The following PALM2AKAP2 variants were observed in gnomAD, a reference collection of about 807,000 sequenced individuals.
PALM2AKAP2 encodes PALM2-AKAP2 fusion protein.
PALM2AKAP2 carries 37 observed loss-of-function variants against 71.5 expected under a neutral mutation model. The ratio of observed to expected loss-of-function variants is 0.52; its 90% CI spans 0.40 to 0.68. PALM2AKAP2 has a LOEUF of 0.68. Among genes scored for constraint, PALM2AKAP2 ranks in the 30% least tolerant of loss-of-function variants. PALM2AKAP2 has a pLI of 0.00. For synonymous variants in PALM2AKAP2, 468 were observed against 478.8 expected, an observed-to-expected ratio of 0.98 and a Z score of 0.29; for missense variants, 1,224 against 1,191.8, an observed-to-expected ratio of 1.03 and a Z score of -0.40.
exon 2 of PALM2AKAP2, chr9:110,136,292 A>T: frequency 6.2e-7 from 1 of 1,613,996 alleles, no homozygotes; most frequent in Non-Finnish European, 8.5e-7. Context: ...AATCACCTCT[A>T]CCCCACATCC....
chr9:109,849,577 G>A (rs577168295), intron 1 of PALM2AKAP2, among the ~76,000 whole-genome samples: 3 of 152,120 alleles, frequency 2.0e-5, no homozygotes, highest in South Asian at 2.1e-4. Context: ...GTGAAACTCC[G>A]TCTCTACTAA....
At chr9:109,949,351 G>A (rs937974993) in intron 6 of PALM2AKAP2, among the ~76,000 whole-genome samples, 5 of 152,150 alleles carry the variant, frequency 3.3e-5, no homozygotes, top group Non-Finnish European at 2.9e-5. Context: ...AAGAGAGATG[G>A]ACTCAAATTC....
At chr9:109,873,279 A>G (rs899559040) in intron 2 of PALM2AKAP2, among the ~76,000 whole-genome samples, 2 of 152,140 alleles carry the variant, frequency 1.3e-5, no homozygotes, top group Non-Finnish European at 1.5e-5. Flanking sequence ...CCTAGCCAAC[A>G]TGGCAAAACC....
chr9:109,702,796 C>G (rs1178640745), intron 1 of PALM2AKAP2, among the ~76,000 whole-genome samples: 1 of 148,904 alleles, frequency 6.7e-6, no homozygotes, highest in Non-Finnish European at 1.5e-5. Context: ...GATGATGTAA[C>G]TTTTGTTTTT....
intron 1 of PALM2AKAP2, among the ~76,000 whole-genome samples, chr9:109,839,153 T>C (rs1828578532): frequency 6.6e-6 from 1 of 152,132 alleles, no homozygotes; most frequent in South Asian, 2.1e-4. Context: ...ACCGGCAAAC[T>C]GAATCCAGCA....
chr9:109,981,012 A>G (rs1832259027), intron 6 of PALM2AKAP2, among the ~76,000 whole-genome samples: 1 of 152,182 alleles, frequency 6.6e-6, no homozygotes, highest in African/African-American at 2.4e-5. Flanking sequence ...TTTGCATCCT[A>G]CCTCATAAGA....
At chr9:109,652,756 A>T (rs1307923154) in intron 1 of PALM2AKAP2, among the ~76,000 whole-genome samples, 1 of 152,166 alleles carries the variant, frequency 6.6e-6, no homozygotes, top group African/African-American at 2.4e-5. Context: ...GGAGTAAGAC[A>T]TTGTCTTTGC....
At chr9:110,139,667 T>A (rs368206946) in intron 2 of PALM2AKAP2, among the ~76,000 whole-genome samples, 1 of 152,334 alleles carries the variant, frequency 6.6e-6, no homozygotes, top group African/African-American at 2.4e-5. Context: ...CCATCAAACC[T>A]ACAATGACTC....
intron 3 of PALM2AKAP2, among the ~76,000 whole-genome samples, chr9:109,890,059 G>T (rs1027378481): frequency 2.0e-5 from 3 of 152,198 alleles, no homozygotes; most frequent in Non-Finnish European, 4.4e-5. Context: ...CCTCTGGCTT[G>T]TAACGTGGTC....
At chr9:109,776,454 A>G (rs1366307218), upstream of PALM2AKAP2, among the ~76,000 whole-genome samples, 2 of 152,188 alleles carry the variant, frequency 1.3e-5, no homozygotes, top group Non-Finnish European at 2.9e-5. Context: ...TGGAACGTCC[A>G]AAGAAGGAAG....
chr9:109,667,099 C>T (rs886810336), intron 1 of PALM2AKAP2, among the ~76,000 whole-genome samples: 4 of 152,262 alleles, frequency 2.6e-5, no homozygotes, highest in Admixed American at 2.0e-4. Flanking sequence ...CTGGAATGAA[C>T]AACCTCCAAC....
intron 1 of PALM2AKAP2, among the ~76,000 whole-genome samples, chr9:109,774,879 G>T (rs1829326943): frequency 6.6e-6 from 1 of 152,136 alleles, no homozygotes; most frequent in Non-Finnish European, 1.5e-5. Context: ...TGTCTTCAGA[G>T]TTCCTGTCTT....
chr9:109,849,067 G>A (rs1433152220), intron 1 of PALM2AKAP2, among the ~76,000 whole-genome samples: 1 of 152,106 alleles, frequency 6.6e-6, no homozygotes, highest in Non-Finnish European at 1.5e-5. Flanking sequence ...AGGAGAGGAA[G>A]GGGCAAGGAT....
chr9:109,762,507 C>T (rs1829071318), intron 1 of PALM2AKAP2, among the ~76,000 whole-genome samples: 1 of 152,068 alleles, frequency 6.6e-6, no homozygotes, highest in Admixed American at 6.6e-5. Context: ...GATCGATTAT[C>T]CTCACTGAAT....
chr9:109,703,576 T>A (rs149957490), intron 1 of PALM2AKAP2, among the ~76,000 whole-genome samples: 1 of 152,024 alleles, frequency 6.6e-6, no homozygotes, highest in African/African-American at 2.4e-5. Flanking sequence ...GCCAAAAAAA[T>A]AGAAATTGGA....
intron 1 of PALM2AKAP2, among the ~76,000 whole-genome samples, chr9:110,127,227 G>A (rs1835627065): frequency 6.6e-6 from 1 of 152,164 alleles, no homozygotes; most frequent in Admixed American, 6.5e-5. Context: ...ATGGCTTCAT[G>A]GCAGGAGATC....
intron 1 of PALM2AKAP2, among the ~76,000 whole-genome samples, chr9:109,855,623 T>C (rs1829142324): frequency 6.6e-6 from 1 of 152,220 alleles, no homozygotes; most frequent in South Asian, 2.1e-4. Context: ...ACAATCACTA[T>C]ATTTTCTCAT....
intron 3 of PALM2AKAP2, among the ~76,000 whole-genome samples, chr9:109,882,544 T>A (rs1001944751): frequency 1.1e-4 from 16 of 152,310 alleles, no homozygotes; most frequent in Admixed American, 8.5e-4. Flanking sequence ...CATATACATA[T>A]ATATATAGAG....
chr9:109,788,475 G>C (rs12346590), intron 1 of PALM2AKAP2, among the ~76,000 whole-genome samples: 10,948 of 152,278 alleles, frequency 0.072, 548 homozygotes, highest in South Asian at 0.11. Flanking sequence ...TTAAAACACA[G>C]ATTGCAAGAG....
Sources: gnomAD v4.1 joint callset for allele counts (sites outside exome capture counted in the v4.1 genomes callset) on GRCh38, gnomAD v4.1.1 for gene constraint, MANE v1.5 for transcripts, NCBI Gene and HGNC (gene_info 2026-07-23, HGNC 2026-07-21) for gene names.